Variants in SNX31 observed in about 807,000 individuals in gnomAD.
The protein encoded by SNX31 is sorting nexin 31, also known as sorting nexin-31.
A neutral mutation model predicts 65.4 loss-of-function variants in SNX31; 58 were observed. The ratio of observed to expected loss-of-function variants is 0.89; its 90% CI spans 0.72 to 1.10. SNX31 has a LOEUF of 1.10. SNX31 is among the 50% of genes least tolerant of loss of function. SNX31 has a pLI of 0.00. For missense variants in SNX31, 523 were observed against 529.7 expected, an observed-to-expected ratio of 0.99 and a Z score of 0.12; for synonymous variants, 181 against 190.1, an observed-to-expected ratio of 0.95 and a Z score of 0.39.
rs575225600 is a variant in SNX31 at position 100,577,983 on chromosome 8, T to C, written c.1171-908A>G. On this transcript the variant is annotated intron_variant, in intron 12 of 13. Transcript: ENST00000311812. ...GAAGAGAATTGTCTTGGTCCCCATG[T>C]AATATAGCTAATGAGCTTTTTAAAA... Among the ~76,000 whole-genome samples, 4 of 152,384 alleles carry C rather than the reference T, an allele frequency of 2.6e-5. No homozygotes were observed. The East Asian group carries it at 5.8e-4, about 22-fold the overall frequency.
chr8:100,599,090 G>A (rs1815372864), intron 9 of SNX31, among the ~76,000 whole-genome samples: 1 of 152,186 alleles, frequency 6.6e-6, no homozygotes, highest in Non-Finnish European at 1.5e-5. Context: ...ATCAGTACAT[G>A]TAGATGCTTT....
rs1057119096 is a variant in SNX31, at chr8:100,609,333, C to T, written c.612-770G>A. ...CCCTACTCCCCAAGGCTGTATTAGC[C>T]GCCTGTCCACTGTGCTTCCTCTGCA... On this transcript the variant is annotated intron_variant, in intron 7 of 13. Transcript: ENST00000311812. The surrounding 1 kb of genome is among the most constrained non-coding windows in gnomAD (Gnocchi z 4.9). Among the ~76,000 whole-genome samples, 7 of 152,144 alleles carry T rather than the reference C, an allele frequency of 4.6e-5. No individual in the cohort carries two copies. Among genetic ancestry groups the T allele is most frequent in the East Asian group, 1.9e-4 (1 of 5,182 alleles).
At position 100,635,982 on chromosome 8, in the gene SNX31, T is replaced by A. The variant is rs779981221; in HGVS notation, c.171A>T (p.Pro57=). The A allele has an allele frequency of 4.3e-6, 7 of 1,614,070 alleles. No individual in the cohort carries two copies. The highest frequency in any genetic ancestry group is 5.1e-6 in the Non-Finnish European group (6 of 1,179,972). ...QLRRVFGNCL[P]PFPPKYYLAM... ...CCAGATAGTACTTTGGTGGGAAGGG[T>A]GGCAGGCAATTTCCAAAGACCCGCC... The change falls in exon 3 of 14, where the codon CCA becomes CCT. Residue 57 remains proline, a synonymous_variant. Coordinates refer to ENST00000311812, the MANE Select transcript of SNX31 (RefSeq NM_152628.4).
rs966974840 is a variant in SNX31 at position 100,657,408 on chromosome 8, C to T, written c.-58+5734G>A. On this transcript the variant is annotated intron_variant, in intron 1 of 5. Coordinates refer to the SNX31 transcript ENST00000520352. ...CAGAGGTTGCGGTGAGCCAAGATCG[C>T]GCCATTGTGCTCCAGCCTGGGCAAC... Among the ~76,000 whole-genome samples the T allele has an allele frequency of 4.0e-5, 6 of 149,272 alleles. 1 individual carries two copies. Among genetic ancestry groups the T allele is most frequent in the South Asian group, 4.3e-4 (2 of 4,700 alleles).
intron 9 of SNX31, among the ~76,000 whole-genome samples, chr8:100,597,328 G>A (rs1013650419): frequency 2.0e-5 from 3 of 151,438 alleles, no homozygotes; most frequent in East Asian, 1.9e-4. Context: ...TGCAACCTCC[G>A]ACTCCCTGGT....
chr8:100,596,537 T>C, intron 10 of SNX31, 102 bp downstream of exon 10: 2 of 935,602 alleles, frequency 2.1e-6, no homozygotes, highest in East Asian at 4.8e-5. Flanking sequence ...CCACTCAAGG[T>C]ACAGATTCAA....
chr8:100,575,888 C>T lies in SNX31; in HGVS notation c.1227+1131G>A, dbSNP rs1395691676. Among the ~76,000 whole-genome samples the T allele has an allele frequency of 6.6e-6, 1 of 152,106 alleles. No individual in the cohort carries two copies. On this transcript the variant is annotated intron_variant, in intron 13 of 13. Transcript: ENST00000311812. This position sits in a 1 kb window ranked among gnomAD's most constrained non-coding sequence, Gnocchi z 5.1. ...CTCAAGCATTAGTTTTTAGAGCTCCCCAGGTGATTCCAATGTGCAGCCAAA... is the reference window on the plus strand; with the variant it reads ...CTCAAGCATTAGTTTTTAGAGCTCCTCAGGTGATTCCAATGTGCAGCCAAA...
chr8:100,657,400 C>A (rs1242077168), intron 1 of SNX31, among the ~76,000 whole-genome samples: 4 of 147,028 alleles, frequency 2.7e-5, no homozygotes, highest in African/African-American at 1.0e-4. Flanking sequence ...TGCGGTGAGC[C>A]AAGATCGCGC....
intron 8 of SNX31, among the ~76,000 whole-genome samples, chr8:100,603,449 T>G (rs1815836014): frequency 6.6e-6 from 1 of 152,048 alleles, no homozygotes; most frequent in Admixed American, 6.5e-5. Context: ...TTTTTTTTTT[T>G]TTTGAGACGG....
At position 100,573,563 on chromosome 8, in the gene SNX31, T is replaced by G. The variant is rs1295507353; in HGVS notation, c.*302A>C. The G allele has an allele frequency of 1.4e-5, 3 of 211,474 alleles. No homozygotes were observed. Among genetic ancestry groups the G allele is most frequent in the Non-Finnish European group, 1.9e-5 (2 of 107,746 alleles). The allele number at this position is 211,474 out of a possible 1,614,324, so 13.1% of individuals were successfully genotyped here. A position where few individuals can be genotyped will look rare whatever the true frequency, so the allele number is the denominator to read the frequency against. ...AAAATAGAATGAGTTTTATATGAGT[T>G]GATTTGAATTTGCCACTTGTCATTT... On this transcript the variant is annotated 3_prime_UTR_variant, in exon 14 of 14. Coordinates refer to ENST00000311812, the MANE Select transcript of SNX31 (RefSeq NM_152628.4).
chr8:100,592,487 A>G (rs1814675529), intron 10 of SNX31, among the ~76,000 whole-genome samples: 1 of 152,238 alleles, frequency 6.6e-6, no homozygotes, highest in South Asian at 2.1e-4. Flanking sequence ...AGTACTGGCA[A>G]GGATGAGGAG....
chr8:100,630,949 G>A lies in SNX31; in HGVS notation c.257-558C>T, dbSNP rs1344032085. Among the ~76,000 whole-genome samples the A allele has an allele frequency of 6.6e-6, 1 of 151,972 alleles. No individual in the cohort carries two copies. Among genetic ancestry groups the A allele is most frequent in the African/African-American group, 2.4e-5 (1 of 41,370 alleles). ...ATTACAGGCACTCACCACCATGCCC[G>A]GCTAATTTTTGTATTTTTAGTAGAG... On this transcript the variant is annotated intron_variant, in intron 3 of 13. Transcript: ENST00000311812. This position sits in a 1 kb window ranked among gnomAD's most constrained non-coding sequence, Gnocchi z 5.3.
rs555152646 is a variant in SNX31 at position 100,630,497 on chromosome 8, C to T, written c.257-106G>A. ...CCTCCATGCCTTGCCAGTGCTCTGT[C>T]TCCTCCCTGAAGTGATAAATGTTGA... is the stretch of plus-strand genomic sequence containing the variant. On this transcript the variant is annotated intron_variant, in intron 3 of 13. Transcript: ENST00000311812. This position sits in a 1 kb window ranked among gnomAD's most constrained non-coding sequence, Gnocchi z 5.3. 4.3e-5 allele frequency: 38 copies of T among 891,288 alleles called. 1 individual carries two copies. Among genetic ancestry groups the T allele is most frequent in the African/African-American group, 3.9e-4 (23 of 58,294 alleles). 55.2% of individuals were successfully genotyped at this position (891,288 alleles called of 1,614,324 possible). A position where few individuals can be genotyped will look rare whatever the true frequency, so the allele number is the denominator to read the frequency against.
At chr8:100,640,612 A>T (rs929620248) in intron 2 of SNX31, among the ~76,000 whole-genome samples, 1 of 152,176 alleles carries the variant, frequency 6.6e-6, no homozygotes. Flanking sequence ...CAACATCAAG[A>T]GTGTAAGTCA....
chr8:100,650,472 G>A (rs1009248820), upstream of SNX31, among the ~76,000 whole-genome samples: 5 of 152,138 alleles, frequency 3.3e-5, no homozygotes, highest in Admixed American at 6.6e-5. Context: ...GGTCTGAGTC[G>A]TTTACTGCAG....
In SNX31 at chr8:100,621,569, C is replaced by T. The variant is rs1817696680; in HGVS notation, c.322-3839G>A. The stretch of plus-strand genomic sequence containing the variant: ...TCCATCTTACCACCAGCACCTTAGA[C>T]CCAGCTAACATCCCCTCTGCCCTAG... On this transcript the variant is annotated intron_variant, in intron 4 of 13. Transcript: ENST00000311812. 2.0e-5 allele frequency among the ~76,000 whole-genome samples: 3 copies of T among 152,216 alleles called. No individual in the cohort carries two copies. In the South Asian group the frequency reaches 6.2e-4, roughly 32 times the overall value.
chr8:100,658,609 A>T (rs897567761), intron 1 of SNX31, among the ~76,000 whole-genome samples: 3 of 152,168 alleles, frequency 2.0e-5, no homozygotes, highest in Non-Finnish European at 4.4e-5. Context: ...CACTTTACTG[A>T]TAAGGAAACT....
At chr8:100,647,755 C>T (rs540366613) in intron 2 of SNX31, among the ~76,000 whole-genome samples, 1 of 152,280 alleles carries the variant, frequency 6.6e-6, no homozygotes, top group African/African-American at 2.4e-5. Flanking sequence ...CTGCTCTGCT[C>T]CTGCCCCTTC....
chr8:100,652,266 C>T (rs997647135), upstream of SNX31, among the ~76,000 whole-genome samples: 1 of 152,230 alleles, frequency 6.6e-6, no homozygotes, highest in Non-Finnish European at 1.5e-5. Context: ...GTGTGAGCCA[C>T]CGCGCCCGGC....
Sources: allele counts gnomAD v4.1 joint callset (sites outside exome capture counted in the v4.1 genomes callset), GRCh38; gene constraint gnomAD v4.1.1; non-coding constraint Gnocchi (gnomAD v3.1); transcripts MANE v1.5; gene names NCBI Gene and HGNC (gene_info 2026-07-23, HGNC 2026-07-21).